KLRG1: variants seen among roughly 807,000 people sequenced by gnomAD.
KLRG1 encodes the protein killer cell lectin-like receptor subfamily G member 1.
In KLRG1, 16 loss-of-function variants were observed where a neutral mutation model predicts 21.8. The ratio of observed to expected loss-of-function variants is 0.73; its 90% confidence interval spans 0.50 to 1.11. The LOEUF (loss-of-function observed/expected upper bound fraction) is 1.11. KLRG1 is among the 50% of genes most tolerant of loss of function. KLRG1 has a pLI of 0.00. For missense variants in KLRG1, 173 were observed against 218.3 expected (o/e 0.79, Z 1.31); for synonymous variants, 69 against 75.9 (o/e 0.91, Z 0.47).
the KLRG1 span, chr12:9,027,481 CT>C: frequency 1.1e-6 from 1 of 889,930 alleles, no homozygotes; most frequent in South Asian, 1.3e-5. Flanking sequence ...TGTAGCTTCC[CT>C]GCCACTTCTC....
At chr12:9,168,909 AG>A in the KLRG1 span, 3 of 1,614,112 alleles carry the variant, frequency 1.9e-6, no homozygotes, top group East Asian at 6.7e-5. Flanking sequence ...CAGACACGGA[AG>A]GGATGACTGA....
the KLRG1 span, among the ~76,000 whole-genome samples, chr12:9,087,335 CAA>C: frequency 6.6e-6 from 1 of 152,064 alleles, no homozygotes; most frequent in East Asian, 1.9e-4. Context: ...TTTTAAAAAA[CAA>C]GAACATTCTG....
the KLRG1 span, chr12:9,029,093 G>C: frequency 9.4e-6 from 4 of 426,270 alleles, no homozygotes; most frequent in Non-Finnish European, 1.8e-5. Flanking sequence ...TAGACATGAC[G>C]GCAGAAAGAA....
the KLRG1 span, chr12:9,154,893 T>C: frequency 6.7e-7 from 1 of 1,496,436 alleles, no homozygotes; most frequent in African/African-American, 1.4e-5. Flanking sequence ...TAATTATAAC[T>C]GGTAGATAAG....
At chr12:9,084,394 T>A in the KLRG1 span, among the ~76,000 whole-genome samples, 5 of 152,138 alleles carry the variant, frequency 3.3e-5, no homozygotes. Flanking sequence ...AAATTGTCAA[T>A]AAATACACAT....
chr12:9,044,949 C>T, the KLRG1 span, among the ~76,000 whole-genome samples: 3 of 152,084 alleles, frequency 2.0e-5, no homozygotes, highest in African/African-American at 4.8e-5. Flanking sequence ...AAATATCTGT[C>T]ACTAAAGGAG....
the KLRG1 span, among the ~76,000 whole-genome samples, chr12:9,120,852 C>CGTGTGTGTGTGTGT: frequency 0.015 from 2,183 of 143,404 alleles, 39 homozygotes; most frequent in Middle Eastern, 0.025. Flanking sequence ...ATCCCACTAA[C>CGTGTGTGTGTGTGT]GTGTGTGTGT....
At chr12:9,083,482 C>T in the KLRG1 span, among the ~76,000 whole-genome samples, 14 of 150,498 alleles carry the variant, frequency 9.3e-5, no homozygotes, top group Admixed American at 9.3e-4. Flanking sequence ...AAATAGAAAT[C>T]CTGGAAATAA....
At chr12:9,086,623 T>C in the KLRG1 span, among the ~76,000 whole-genome samples, 2 of 152,208 alleles carry the variant, frequency 1.3e-5, no homozygotes, top group Admixed American at 6.5e-5. Flanking sequence ...CCAAATTAGA[T>C]ATACAAGCAA....
At chr12:9,063,014 G>GA in the KLRG1 span, among the ~76,000 whole-genome samples, 2 of 151,882 alleles carry the variant, frequency 1.3e-5, no homozygotes, top group South Asian at 2.1e-4. Context: ...TTGCATAATA[G>GA]AAAAAAACAT....
the KLRG1 span, among the ~76,000 whole-genome samples, chr12:9,154,015 A>C: frequency 6.6e-6 from 1 of 152,356 alleles, no homozygotes; most frequent in South Asian, 2.1e-4. Flanking sequence ...AAAGGAATGA[A>C]GAAGCTGAGT....
the KLRG1 span, among the ~76,000 whole-genome samples, chr12:9,116,494 A>G: frequency 6.6e-6 from 1 of 152,238 alleles, no homozygotes; most frequent in Non-Finnish European, 1.5e-5. Context: ...GTTTTAAGAA[A>G]GTGAAACAAA....
At chr12:9,123,070 G>C in the KLRG1 span, among the ~76,000 whole-genome samples, 1 of 152,016 alleles carries the variant, frequency 6.6e-6, no homozygotes, top group Non-Finnish European at 1.5e-5. Flanking sequence ...ATTTTTATTA[G>C]ATAAAATAAT....
At chr12:8,952,269 A>C (rs1029523631) in intron 1 of KLRG1, among the ~76,000 whole-genome samples, 2 of 152,200 alleles carry the variant, frequency 1.3e-5, no homozygotes, top group Non-Finnish European at 2.9e-5. Context: ...TGTTCTGTAT[A>C]ATCATAAGAG....
the KLRG1 span, among the ~76,000 whole-genome samples, chr12:9,213,769 C>T: frequency 6.6e-6 from 1 of 151,862 alleles, no homozygotes; most frequent in East Asian, 1.9e-4. Context: ...ATATTTACTC[C>T]TGTTCTGTGG....
intron 3 of KLRG1, among the ~76,000 whole-genome samples, chr12:8,998,725 A>G (rs1947216188): frequency 6.6e-6 from 1 of 151,930 alleles, no homozygotes; most frequent in Non-Finnish European, 1.5e-5. Flanking sequence ...ACTCACCTTC[A>G]AAGTCACTTA....
rs748536633 is a variant in KLRG1 at position 8,971,211 on chromosome 12, G to A, written c.-156+20975G>A. On this transcript the variant is annotated intron_variant, in intron 1 of 4. Transcript: ENST00000539240. ...TATGCTATTGAAGTCACCTGAGCAC[G>A]AAGTTTTCTTTGTGGGTAAGTGTGT... 10 of 151,756 alleles carry A rather than the reference G, an allele frequency of 6.6e-5. No homozygotes were observed. In the East Asian group the frequency reaches 7.7e-4, roughly 12 times the overall value. 9.4% of individuals were successfully genotyped at this position (151,756 alleles called of 1,614,324 possible).
chr12:9,012,679 C>G (rs1006942654), downstream of KLRG1, among the ~76,000 whole-genome samples: 4 of 151,900 alleles, frequency 2.6e-5, no homozygotes, highest in African/African-American at 9.7e-5. Context: ...ATTAGCTTGG[C>G]TACAGTGGGG....
At chr12:9,036,380 G>T in the KLRG1 span, 1 of 162,248 alleles carries the variant, frequency 6.2e-6, no homozygotes, top group African/African-American at 2.4e-5. Context: ...CATGTGGCCA[G>T]TGTGGATTTC....
Sources: gnomAD v4.1 joint callset for allele counts (sites outside exome capture counted in the v4.1 genomes callset) on GRCh38, gnomAD v4.1.1 for gene constraint, MANE v1.5 for transcripts, NCBI Gene and HGNC (gene_info 2026-07-23, HGNC 2026-07-21) for gene names.